Variants in CELF4 observed in about 807,000 individuals in gnomAD.
The protein encoded by CELF4 is CUGBP Elav-like family member 4, also known as CUG-BP- and ETR-3-like factor 4.
In CELF4, 18 loss-of-function variants were observed where a neutral mutation model predicts 59.9. The ratio of observed to expected loss-of-function variants is 0.30; its 90% CI spans 0.21 to 0.45. CELF4 has a LOEUF of 0.45. Ranked by LOEUF, CELF4 falls within the 20% of genes least tolerant of loss-of-function variation. CELF4 has a pLI of 1.00. For missense variants in CELF4, 456 were observed against 689.0 expected (o/e 0.66, Z 3.79); for synonymous variants, 261 against 267.1 (o/e 0.98, Z 0.22).
chr18:37,360,813 C>T (rs769905339), intron 2 of CELF4, among the ~76,000 whole-genome samples: 6 of 152,348 alleles, frequency 3.9e-5, no homozygotes, highest in African/African-American at 1.4e-4. Context: ...TAGCCAGACA[C>T]GCCCATTACT....
chr18:37,374,166 C>T (rs749542338), intron 2 of CELF4, among the ~76,000 whole-genome samples: 4 of 152,194 alleles, frequency 2.6e-5, no homozygotes, highest in South Asian at 2.1e-4. Context: ...AGAAGTTCCC[C>T]GCAGGTCCCC....
chr18:37,462,628 A>G (rs1458133356), intron 2 of CELF4, among the ~76,000 whole-genome samples: 1 of 152,096 alleles, frequency 6.6e-6, no homozygotes, highest in African/African-American at 2.4e-5. Flanking sequence ...TGGGGCCCTC[A>G]TGTTTGCTGG....
chr18:37,474,693 T>G (rs1322640560), intron 2 of CELF4, among the ~76,000 whole-genome samples: 1 of 152,190 alleles, frequency 6.6e-6, no homozygotes, highest in Non-Finnish European at 1.5e-5. Context: ...CTGTAGCGAG[T>G]ACACAGTGAT....
chr18:37,452,059 C>T (rs1205933010), intron 2 of CELF4, among the ~76,000 whole-genome samples: 1 of 152,196 alleles, frequency 6.6e-6, no homozygotes, highest in Non-Finnish European at 1.5e-5. Flanking sequence ...GTGCTGCCTA[C>T]CCATCAGCCA....
intron 2 of CELF4, among the ~76,000 whole-genome samples, chr18:37,382,652 CT>C (rs1426319244): frequency 1.3e-5 from 2 of 152,188 alleles, no homozygotes; most frequent in Non-Finnish European, 2.9e-5. Context: ...AGCAGGCTGC[CT>C]TTTTCTCTAG....
At chr18:37,533,578 C>A (rs1416676330) in intron 1 of CELF4, among the ~76,000 whole-genome samples, 1 of 152,202 alleles carries the variant, frequency 6.6e-6, no homozygotes, top group Non-Finnish European at 1.5e-5. Context: ...CAGAAGGATT[C>A]TTTTATTTCT....
intron 2 of CELF4, among the ~76,000 whole-genome samples, chr18:37,450,029 C>A (rs547348544): frequency 1.3e-5 from 2 of 152,244 alleles, no homozygotes; most frequent in East Asian, 1.9e-4. Context: ...AGGGTTTTCC[C>A]AGAGCCCAGA....
Position 37,286,271 on chromosome 18 carries a change from G to T in CELF4, c.449-11028C>A, listed in dbSNP as rs149986968. On this transcript the variant is annotated intron_variant, in intron 3 of 12. Coordinates refer to ENST00000420428, the MANE Select transcript of CELF4 (RefSeq NM_020180.4). ...ATAAAAGACTCACTTAGAGCTGTTT[G>T]TCTCTATTAACCATGGAGCGGGGGC... is the stretch of plus-strand genomic sequence containing the variant. 8.8e-3 allele frequency among the ~76,000 whole-genome samples: 1,339 copies of T among 152,334 alleles called. 16 individuals are homozygous for T. The highest frequency in any genetic ancestry group is 0.031 in the African/African-American group (1,279 of 41,572).
chr18:37,434,676 T>C (rs2099683846), intron 2 of CELF4, among the ~76,000 whole-genome samples: 1 of 152,146 alleles, frequency 6.6e-6, no homozygotes, highest in Non-Finnish European at 1.5e-5. Flanking sequence ...GGATTGGCCT[T>C]ACAGCAGCCA....
intron 1 of CELF4, among the ~76,000 whole-genome samples, chr18:37,491,143 T>C (rs2099902839): frequency 7.5e-6 from 1 of 133,440 alleles, no homozygotes; most frequent in Admixed American, 7.8e-5. Context: ...AGGGGCCCCA[T>C]GCCCACCTCC....
chr18:37,490,823 G>T (rs1317617630), intron 1 of CELF4, among the ~76,000 whole-genome samples: 1 of 152,114 alleles, frequency 6.6e-6, no homozygotes, highest in African/African-American at 2.4e-5. Flanking sequence ...GGGCTCTCTG[G>T]GTGGTCTAGG....
chr18:37,313,542 C>A (rs888321680), intron 3 of CELF4, among the ~76,000 whole-genome samples: 22 of 152,128 alleles, frequency 1.4e-4, no homozygotes, highest in Non-Finnish European at 2.8e-4. Context: ...AAGGGAGAAA[C>A]CCAGTACCAA....
intron 1 of CELF4, among the ~76,000 whole-genome samples, chr18:37,512,147 C>T (rs1340517262): frequency 3.3e-5 from 5 of 152,164 alleles, no homozygotes; most frequent in East Asian, 3.8e-4. Flanking sequence ...GGGCAGGGGG[C>T]GAGAGTGTTT....
chr18:37,507,173 G>A (rs954193100), intron 1 of CELF4, among the ~76,000 whole-genome samples: 2 of 152,168 alleles, frequency 1.3e-5, no homozygotes, highest in Non-Finnish European at 2.9e-5. Flanking sequence ...AGCTGAGCAC[G>A]ATGGTCTCAT....
chr18:37,534,911 A>G (rs2099972305), intron 1 of CELF4, among the ~76,000 whole-genome samples: 1 of 152,202 alleles, frequency 6.6e-6, no homozygotes, highest in Admixed American at 6.5e-5. Flanking sequence ...CTGGGGCTGC[A>G]CAGCACTGTT....
intron 2 of CELF4, among the ~76,000 whole-genome samples, chr18:37,340,679 G>A (rs2097977803): frequency 6.6e-6 from 1 of 152,238 alleles, no homozygotes; most frequent in African/African-American, 2.4e-5. Flanking sequence ...GAGCAGAGGT[G>A]TGTTGGGTTT....
intron 3 of CELF4, among the ~76,000 whole-genome samples, chr18:37,292,026 G>A (rs1263241799): frequency 8.9e-6 from 1 of 112,192 alleles, no homozygotes; most frequent in African/African-American, 4.4e-5. Context: ...AATGAGATTA[G>A]CACCCTTATA....
chr18:37,370,330 T>C (rs546419249), intron 2 of CELF4, among the ~76,000 whole-genome samples: 2 of 152,256 alleles, frequency 1.3e-5, no homozygotes, highest in African/African-American at 2.4e-5. Flanking sequence ...TGCTCGGAAA[T>C]GGAGGGCTCC....
At chr18:37,409,191 A>G (rs924751204) in intron 2 of CELF4, among the ~76,000 whole-genome samples, 3 of 152,146 alleles carry the variant, frequency 2.0e-5, no homozygotes, top group East Asian at 1.9e-4. Context: ...ACACTTTCCC[A>G]CCAGCTTTCT....
Sources: gnomAD v4.1 joint callset for allele counts (sites outside exome capture counted in the v4.1 genomes callset) on GRCh38, gnomAD v4.1.1 for gene constraint, MANE v1.5 for transcripts, NCBI Gene and HGNC (gene_info 2026-07-23, HGNC 2026-07-21) for gene names.